Variants in LARGE1 observed in about 807,000 individuals in gnomAD.
LARGE1 encodes LARGE xylosyl- and glucuronyltransferase 1.
In LARGE1, 43 loss-of-function variants were observed where a neutral mutation model predicts 87.6. The ratio of observed to expected loss-of-function variants is 0.49; its 90% confidence interval spans 0.38 to 0.63. The LOEUF (loss-of-function observed/expected upper bound fraction) is 0.63. Among genes scored for constraint, LARGE1 ranks in the 30% least tolerant of loss-of-function variants. The pLI is 0.00. For synonymous variants in LARGE1, 434 were observed against 394.6 expected (o/e 1.10, Z -1.18); for missense variants, 802 against 1,000.2 (o/e 0.80, Z 2.67).
chr22:33,277,646 G>A (rs543832023), intron 13 of LARGE1, among the ~76,000 whole-genome samples: 7 of 152,142 alleles, frequency 4.6e-5, no homozygotes, highest in Non-Finnish European at 7.4e-5. Context: ...ATCACCAGAC[G>A]GAGGCCTAGG....
At chr22:33,837,260 AC>A (rs2063136547) in intron 1 of LARGE1, among the ~76,000 whole-genome samples, 1 of 29,324 alleles carries the variant, frequency 3.4e-5, no homozygotes, top group African/African-American at 6.4e-5. Context: ...TTACATATAC[AC>A]ACACACACAC....
At chr22:33,638,978 G>A (rs919013994) in intron 3 of LARGE1, among the ~76,000 whole-genome samples, 7 of 152,180 alleles carry the variant, frequency 4.6e-5, no homozygotes, top group African/African-American at 1.7e-4. Flanking sequence ...ATGCCTAGAC[G>A]TTCCTCTCAT....
At chr22:33,887,846 A>G (rs1474744503) in intron 1 of LARGE1, among the ~76,000 whole-genome samples, 4 of 152,254 alleles carry the variant, frequency 2.6e-5, no homozygotes, top group Non-Finnish European at 5.9e-5. Flanking sequence ...AACAATCTTG[A>G]AATCAAAACA....
intron 1 of LARGE1, among the ~76,000 whole-genome samples, chr22:33,847,988 C>T (rs188784140): frequency 1.3e-4 from 20 of 152,282 alleles, no homozygotes; most frequent in East Asian, 1.2e-3. Context: ...CCTGTTTCAA[C>T]GTTGCCAGAG....
chr22:33,806,562 C>A (rs2086316011), intron 1 of LARGE1, among the ~76,000 whole-genome samples: 1 of 152,176 alleles, frequency 6.6e-6, no homozygotes, highest in Non-Finnish European at 1.5e-5. Flanking sequence ...TGTGACATCT[C>A]CTCAACTATA....
At chr22:33,142,254 C>T in the LARGE1 span, among the ~76,000 whole-genome samples, 3 of 152,158 alleles carry the variant, frequency 2.0e-5, no homozygotes, top group East Asian at 1.9e-4. Flanking sequence ...TGGTCTTTTC[C>T]TGAGCTTGAA....
At chr22:33,873,758 T>TTCC (rs140289198) in intron 1 of LARGE1, among the ~76,000 whole-genome samples, 5,935 of 151,860 alleles carry the variant, frequency 0.039, 323 homozygotes, top group African/African-American at 0.11. Flanking sequence ...CCTCACATCC[T>TTCC]TCCTCCTCCT....
At chr22:33,664,879 A>G (rs2081223910) in intron 2 of LARGE1, among the ~76,000 whole-genome samples, 1 of 152,078 alleles carries the variant, frequency 6.6e-6, no homozygotes, top group Non-Finnish European at 1.5e-5. Context: ...AACAACAGCA[A>G]CAACAACAAA....
intron 2 of LARGE1, among the ~76,000 whole-genome samples, chr22:33,747,344 T>C (rs759778494): frequency 1.3e-5 from 2 of 152,030 alleles, no homozygotes; most frequent in Non-Finnish European, 2.9e-5. Context: ...TCATCCACCA[T>C]GTTGCTTCTC....
chr22:33,192,899 C>T (rs746772308), intron 11 of LARGE1, among the ~76,000 whole-genome samples: 5 of 152,148 alleles, frequency 3.3e-5, no homozygotes, highest in African/African-American at 1.2e-4. Flanking sequence ...AATCAGTTTT[C>T]CCAACACCAT....
chr22:33,816,685 T>TAGACAGAC (rs1298253969), intron 1 of LARGE1, among the ~76,000 whole-genome samples: 5 of 133,282 alleles, frequency 3.8e-5, no homozygotes, highest in East Asian at 2.3e-4. Flanking sequence ...GATAGATAGA[T>TAGACAGAC]AGATAGACAG....
At chr22:33,409,294 G>A (rs1211099436) in intron 7 of LARGE1, among the ~76,000 whole-genome samples, 3 of 84,248 alleles carry the variant, frequency 3.6e-5, no homozygotes, top group Non-Finnish European at 7.8e-5. Flanking sequence ...GAGACGGAAG[G>A]AGGAGGAGGA....
the LARGE1 span, among the ~76,000 whole-genome samples, chr22:33,089,330 C>CTTCTTA: frequency 3.1e-5 from 2 of 64,178 alleles, no homozygotes; most frequent in Non-Finnish European, 2.8e-5. Flanking sequence ...CTTTCTTCTT[C>CTTCTTA]TTCTTCTTCT....
intron 2 of LARGE1, among the ~76,000 whole-genome samples, chr22:33,730,909 G>C (rs557691557): frequency 4.6e-5 from 7 of 151,790 alleles, no homozygotes; most frequent in Admixed American, 2.0e-4. Flanking sequence ...TGGTCAGGCT[G>C]GTCTGGAACT....
intron 6 of LARGE1, among the ~76,000 whole-genome samples, chr22:33,491,446 C>T (rs1336782579): frequency 1.3e-5 from 2 of 152,160 alleles, no homozygotes; most frequent in African/African-American, 4.8e-5. Flanking sequence ...AAGATGAACG[C>T]ATTTTCCCAA....
chr22:33,324,865 T>C (rs1033310014), intron 10 of LARGE1, among the ~76,000 whole-genome samples: 4 of 152,194 alleles, frequency 2.6e-5, no homozygotes, highest in Non-Finnish European at 5.9e-5. Context: ...GACAAAGGGT[T>C]TGGACTTCCT....
At chr22:33,798,968 C>A (rs1370631163) in intron 1 of LARGE1, among the ~76,000 whole-genome samples, 1 of 152,072 alleles carries the variant, frequency 6.6e-6, no homozygotes, top group East Asian at 1.9e-4. Flanking sequence ...CTACTGCATC[C>A]CATTAAAAAC....
intron 9 of LARGE1, among the ~76,000 whole-genome samples, chr22:33,358,591 C>T (rs149765152): frequency 6.6e-6 from 1 of 152,230 alleles, no homozygotes; most frequent in African/African-American, 2.4e-5. Flanking sequence ...TGGCTGGCAT[C>T]TTTTCTCTTG....
At chr22:33,368,032 A>G (rs113734183) in intron 9 of LARGE1, among the ~76,000 whole-genome samples, 1,779 of 152,264 alleles carry the variant, frequency 0.012, 22 homozygotes, top group African/African-American at 0.035. Flanking sequence ...AGAGAACTAT[A>G]GTATAATATC....
Sources: allele counts gnomAD v4.1 joint callset (sites outside exome capture counted in the v4.1 genomes callset), GRCh38; gene constraint gnomAD v4.1.1; transcripts MANE v1.5; gene names NCBI Gene and HGNC (gene_info 2026-07-23, HGNC 2026-07-21).